Variants in COL3A1 observed in about 807,000 individuals in gnomAD.
COL3A1 encodes collagen type III alpha 1 chain.
A neutral mutation model predicts 200.9 loss-of-function variants in COL3A1; 46 were observed. That is an observed-to-expected ratio of 0.23 (90% CI 0.18 to 0.29). The LOEUF is 0.29. Ranked by LOEUF, COL3A1 falls within the 10% of genes least tolerant of loss-of-function variation. The probability of loss-of-function intolerance (pLI) is 1.00; values close to 1 mark genes in which losing one functional copy is unlikely to be tolerated. For synonymous variants in COL3A1, 650 were observed against 628.0 expected, an observed-to-expected ratio of 1.03 and a Z score of -0.52; for missense variants, 1,367 against 1,917.6, an observed-to-expected ratio of 0.71 and a Z score of 5.36.
chr2:188,996,627 A>G, intron 24 of COL3A1, 131 bp downstream of exon 24: 1 of 744,568 alleles, frequency 1.3e-6, no homozygotes, highest in Non-Finnish European at 2.3e-6. Flanking sequence ...ATCAAATTGC[A>G]TGTAGGAAGG....
At chr2:188,993,942 C>T (rs988800676) in intron 16 of COL3A1, 96 bp from the exon 17 acceptor site, 1 of 1,140,192 alleles carries the variant, frequency 8.8e-7, no homozygotes, top group African/African-American at 1.5e-5. Context: ...CAAAGCATAA[C>T]ACTCATCGAT....
Position 188,980,903 on chromosome 2 carries a change from T to A in COL3A1, c.80-3857T>A, listed in dbSNP as rs148528183. 2.1e-3 allele frequency among the ~76,000 whole-genome samples: 312 copies of A among 151,408 alleles called. 2 individuals are homozygous for A. The highest frequency in any genetic ancestry group is 7.2e-3 in the African/African-American group (300 of 41,498). Reference sequence around the variant, plus strand: ...AAGTAATGAAAATAATTATGATAATTTATATATCATATCTGTGATTCTTAG... The same window carrying A: ...AAGTAATGAAAATAATTATGATAATATATATATCATATCTGTGATTCTTAG... On this transcript the variant is annotated intron_variant, in intron 1 of 50. Coordinates refer to ENST00000304636, the MANE Select transcript of COL3A1 (RefSeq NM_000090.4).
chr2:188,994,014 A>C lies in COL3A1; in HGVS notation c.1150-24A>C, dbSNP rs753297688. 1 of 1,608,324 alleles carries C rather than the reference A, an allele frequency of 6.2e-7. No individual in the cohort carries two copies. The highest frequency in any genetic ancestry group is 2.2e-5 in the East Asian group (1 of 44,860). On this transcript the variant is annotated intron_variant, in intron 16 of 50. Transcript: ENST00000304636. This position sits in a 1 kb window ranked among gnomAD's most constrained non-coding sequence, Gnocchi z 4.5. ...GAACTATTTGCATTACTATTAATAC[A>C]TTATCTGTTTTTTGTATACTTAGGG... is the stretch of plus-strand genomic sequence containing the variant.
At chr2:189,007,743 A>C in intron 45 of COL3A1, 136 bp downstream of exon 45, 1 of 1,245,406 alleles carries the variant, frequency 8.0e-7, no homozygotes, top group Non-Finnish European at 1.2e-6. Context: ...TTGAAACAAC[A>C]ATCAGCATGA....
rs113687751 is a variant in COL3A1, at chr2:188,995,942, G to A, written c.1608+152G>A. ...AAATTCTTTTAAGTAAACTTAAGCC[G>A]AGATAGTTCAAGGAGAAGAGAAGAT... is the stretch of plus-strand genomic sequence containing the variant. On this transcript the variant is annotated intron_variant, in intron 22 of 50. Coordinates refer to ENST00000304636, the MANE Select transcript of COL3A1 (RefSeq NM_000090.4). 4.3e-4 allele frequency: 403 copies of A among 932,598 alleles called. No individual in the cohort carries two copies. The African/African-American group carries it at 5.7e-3, about 13-fold the overall frequency. 57.8% of individuals were successfully genotyped at this position (932,598 alleles called of 1,614,324 possible). A position where few individuals can be genotyped will look rare whatever the true frequency, so the allele number is the denominator to read the frequency against.
At position 188,999,412 on chromosome 2, in the gene COL3A1, G is replaced by A. The variant is rs202066482; in HGVS notation, c.2121+29G>A. 6 of 1,613,788 alleles carry A rather than the reference G, an allele frequency of 3.7e-6. No homozygotes were observed. In the East Asian group the frequency reaches 1.3e-4, roughly 36 times the overall value. ...ACTCCACAGCATTCCATTCACCTAG[G>A]TTTAAAAAATGCATTTGATTTCCTT... On this transcript the variant is annotated intron_variant, in intron 30 of 50. Transcript: ENST00000304636.
rs1192371304 is a variant in COL3A1 at position 189,005,525 on chromosome 2, G to T, written c.3039+68G>T. 7.9e-6 allele frequency: 10 copies of T among 1,270,830 alleles called. No homozygotes were observed. In the East Asian group the frequency reaches 2.3e-4, roughly 30 times the overall value. The allele number at this position is 1,270,830 out of a possible 1,614,324, so 78.7% of individuals were successfully genotyped here. A position where few individuals can be genotyped will look rare whatever the true frequency, so the allele number is the denominator to read the frequency against. ...AATTTATTTCAGCAAAGGTGAAATT[G>T]AGCTTTAATGTCTAAGAGTGTAAAT... On this transcript the variant is annotated intron_variant, in intron 41 of 50. Coordinates refer to ENST00000304636, the MANE Select transcript of COL3A1 (RefSeq NM_000090.4).
intron 23 of COL3A1, 89 bp from the exon 24 acceptor site, chr2:188,996,309 C>T (rs571993728): frequency 9.5e-4 from 833 of 876,552 alleles, no homozygotes; most frequent in Middle Eastern, 2.9e-3. Context: ...TATATATACA[C>T]ACACACACAC....
chr2:188,979,842 T>C (rs1687912649), intron 1 of COL3A1, among the ~76,000 whole-genome samples: 1 of 151,740 alleles, frequency 6.6e-6, no homozygotes, highest in Non-Finnish European at 1.5e-5. Flanking sequence ...GAAAGCCTTC[T>C]TACACTCAGA....
rs1431670813 is a variant in COL3A1, at chr2:188,989,403, C to T, written c.644C>T (p.Pro215Leu). 2 of 1,602,586 alleles carry T rather than the reference C, an allele frequency of 1.2e-6. No individual in the cohort carries two copies. The highest frequency in any genetic ancestry group is 1.7e-6 in the Non-Finnish European group (2 of 1,174,002). Residue 215 changes from proline to leucine, a missense_variant, in exon 8 of 51, where the codon CCA (proline) becomes CTA (leucine). Transcript: ENST00000304636. ...EPGQAGPSGP[P>L]GPPGAIGPSG... is the part of the protein sequence containing the mutation. ...TTATTTCCTTATTTTCAGGGCCCTC[C>T]AGGACCTCCTGGTGCTATAGGTCCA...
At chr2:188,991,118 T>A (rs1688179917) in intron 11 of COL3A1, 61 bp downstream of exon 11, 1 of 1,522,400 alleles carries the variant, frequency 6.6e-7, no homozygotes, top group African/African-American at 1.4e-5. Flanking sequence ...AAGCTACATA[T>A]AAGATTCATA....
At chr2:188,995,951 C>G (rs553875016) in intron 22 of COL3A1, among the ~76,000 whole-genome samples, 161 bp downstream of exon 22, 75 of 152,006 alleles carry the variant, frequency 4.9e-4, no homozygotes, top group African/African-American at 1.7e-3. Context: ...CGAGATAGTT[C>G]AAGGAGAAGA....
chr2:188,996,038 A>T (rs1268468656), intron 22 of COL3A1, 87 bp from the exon 23 acceptor site: 7 of 1,345,084 alleles, frequency 5.2e-6, no homozygotes, highest in Non-Finnish European at 7.4e-6. Context: ...CATGTAAGTG[A>T]AAATATCAAA....
At chr2:189,008,899 A>G (rs1688654005) in intron 47 of COL3A1, 25 bp from the exon 48 acceptor site, 33 of 1,611,918 alleles carry the variant, frequency 2.0e-5, no homozygotes, top group African/African-American at 2.7e-5. Context: ...GCATACCTCA[A>G]TGATCCATGT....
rs1001748912 is a variant in COL3A1 at position 188,995,086 on chromosome 2, T to C, written c.1496T>C (p.Ile499Thr). 9.9e-6 allele frequency: 16 copies of C among 1,614,050 alleles called. No individual in the cohort carries two copies. Among genetic ancestry groups the C allele is most frequent in the Non-Finnish European group, 1.3e-5 (15 of 1,180,018 alleles). Residue 499 changes from isoleucine (I) to threonine (T), a missense_variant, in exon 21 of 51, where the codon ATC (isoleucine) becomes ACC (threonine). By Grantham distance (89) the Ile-to-Thr change is moderately conservative (BLOSUM62 -1). Around this residue, in one of 5 missense-constraint regions of COL3A1, gnomAD observed 462 missense variants for 681.4 expected, o/e 0.68. Coordinates refer to ENST00000304636, the MANE Select transcript of COL3A1 (RefSeq NM_000090.4). ...CGAGGACCTGCTGGACCAAATGGCA[T>C]CCCAGGAGAAAAGGTAGATAACTTT... The part of the protein sequence containing the change: ...GFRGPAGPNG[I>T]PGEKGPAGER...
At chr2:188,990,438 T>C in intron 10 of COL3A1, 78 bp downstream of exon 10, 1 of 1,104,750 alleles carries the variant, frequency 9.1e-7, no homozygotes. Context: ...TACTGGACAA[T>C]TATGTGCCAA....
At chr2:188,996,805 A>G (rs1466911972) in intron 24 of COL3A1, among the ~76,000 whole-genome samples, 2 of 152,160 alleles carry the variant, frequency 1.3e-5, no homozygotes, top group Non-Finnish European at 2.9e-5. Flanking sequence ...CCTTGCCAAC[A>G]TGGTGAAACC....
chr2:188,996,837 A>C (rs1688332869), intron 24 of COL3A1, among the ~76,000 whole-genome samples: 1 of 152,076 alleles, frequency 6.6e-6, no homozygotes, highest in Non-Finnish European at 1.5e-5. Context: ...AAAAATACAA[A>C]AATTAGCCAG....
Position 189,003,191 on chromosome 2 carries a change from G to A in COL3A1, c.2553+129G>A, listed in dbSNP as rs13306262. ...CCTAAGTGTTCTAATGGAAAAACAT[G>A]GAGGTTTATCAGTAATTTAATATTT... On this transcript the variant is annotated intron_variant, in intron 36 of 50. Transcript: ENST00000304636. 1.9e-3 allele frequency: 1,596 copies of A among 851,762 alleles called. 41 individuals are homozygous for A. In the East Asian group the frequency reaches 0.035, roughly 19 times the overall value. 52.8% of individuals were successfully genotyped at this position (851,762 alleles called of 1,614,324 possible).
Sources: gnomAD v4.1 joint callset for allele counts (sites outside exome capture counted in the v4.1 genomes callset) on GRCh38, gnomAD v4.1.1 for gene constraint, gnomAD v4.1.1 regional missense constraint, Gnocchi (gnomAD v3.1) non-coding constraint, MANE v1.5 for transcripts, NCBI Gene and HGNC (gene_info 2026-07-23, HGNC 2026-07-21) for gene names.